CTSV: variants seen among roughly 807,000 people sequenced by gnomAD.
CTSV encodes cathepsin L2.
Under a neutral mutation model 35.6 loss-of-function variants are expected in CTSV, and 33 were observed. That is an observed-to-expected ratio of 0.93 (90% CI 0.70 to 1.24). The LOEUF is 1.24. Among genes scored for constraint, CTSV ranks in the 50% most tolerant of loss-of-function variants. The pLI, the probability that CTSV is intolerant of heterozygous loss-of-function variation, is 0.00. For synonymous variants in CTSV, 154 were observed against 147.1 expected (o/e 1.05, Z -0.34); for missense variants, 408 against 413.1 (o/e 0.99, Z 0.11).
Position 97,029,814 on chromosome 9 carries a change from A to G in CTSV, c.*3135T>C, listed in dbSNP as rs2119221524. ...GTTTTGGTCAGTGACTGCATATATG[A>G]TAGTGGTCCCATAAAATTATGATCC... is the stretch of plus-strand genomic sequence containing the variant. On this transcript the variant is annotated 3_prime_UTR_variant, in exon 8 of 8. Transcript: ENST00000259470. 1 of 152,346 alleles carries G rather than the reference A, an allele frequency of 6.6e-6. No individual in the cohort carries two copies. Among genetic ancestry groups the G allele is most frequent in the Non-Finnish European group, 1.5e-5 (1 of 68,038 alleles). 9.4% of individuals were successfully genotyped at this position (152,346 alleles called of 1,614,324 possible). A position where few individuals can be genotyped will look rare whatever the true frequency, so the allele number is the denominator to read the frequency against.
Position 97,030,991 on chromosome 9 carries a change from T to A in CTSV, c.*1958A>T, listed in dbSNP as rs1828735895. On this transcript the variant is annotated 3_prime_UTR_variant, in exon 8 of 8. Transcript: ENST00000259470. ...TTAGACAACACATCAGGTTTGTAAC[T>A]TTTCACAAGTTTAAAATATTTCAAA... 1 of 152,218 alleles carries A rather than the reference T, an allele frequency of 6.6e-6. No homozygotes were observed. The highest frequency in any genetic ancestry group is 1.5e-5 in the Non-Finnish European group (1 of 68,036). The allele number at this position is 152,218 out of a possible 1,614,324, so 9.4% of individuals were successfully genotyped here. A position where few individuals can be genotyped will look rare whatever the true frequency, so the allele number is the denominator to read the frequency against.
chr9:97,037,551 C>T lies in CTSV; in HGVS notation c.191G>A (p.Gly64Glu). The change falls in exon 3 of 8, where the codon GGG (glycine) becomes GAG (glutamate). Residue 64 changes from glycine (G) to glutamate (E), a missense_variant. Coordinates refer to ENST00000259470, the MANE Select transcript of CTSV (RefSeq NM_001333.4). Reference protein sequence around the residue: ...KNMKMIELHNGEYSQGKHGFT... With the variant: ...KNMKMIELHNEEYSQGKHGFT... ...GCCATGTTTCCCTTGGCTGTATTCC[C>T]CATTGTGCAGTTCAATCATTTTCAT... 1.2e-6 allele frequency: 2 copies of T among 1,614,190 alleles called. No individual in the cohort carries two copies. Among genetic ancestry groups the T allele is most frequent in the Non-Finnish European group, 1.7e-6 (2 of 1,180,042 alleles).
Position 97,033,015 on chromosome 9 carries a change from T to A in CTSV, c.939A>T (p.Val313=). The change falls in exon 8 of 8, where the codon GTA becomes GTT. Residue 313 remains valine (V), a synonymous_variant. Transcript: ENST00000259470. ...WGPEWGSNGY[V]KIAKDKNNHC... ...GGTTGTTCTTGTCTTTGGCTATTTT[T>A]ACATAGCCATTCGAGCCCCATTCTG... is the stretch of plus-strand genomic sequence containing the variant. 6.2e-7 allele frequency: 1 copy of A among 1,613,472 alleles called. No individual in the cohort carries two copies. The highest frequency in any genetic ancestry group is 2.2e-5 in the East Asian group (1 of 44,864).
intron 4 of CTSV, 48 bp downstream of exon 4, chr9:97,037,204 T>C: frequency 6.3e-7 from 1 of 1,586,808 alleles, no homozygotes; most frequent in Non-Finnish European, 8.6e-7. Context: ...CACCAATTCC[T>C]TCTTGGCTTT....
chr9:97,034,739 G>A lies in CTSV; in HGVS notation c.892C>T (p.Leu298Phe), dbSNP rs1407592223. ...TGAGTTTTATACCTGTTTTTGACGA[G>A]CCAATACTTGCTGTTATTCGAATTT... ...GANSNNSKYW[L>F]VKNSWGPEWG... Residue 298 changes from leucine to phenylalanine, a missense_variant, in exon 7 of 8, where the codon CTC becomes TTC. Leu to Phe is a conservative substitution (Grantham distance 22). Transcript: ENST00000259470. 1 of 1,613,190 alleles carries A rather than the reference G, an allele frequency of 6.2e-7. No homozygotes were observed. The highest frequency in any genetic ancestry group is 1.3e-5 in the African/African-American group (1 of 74,872).
rs910183139 is a variant in CTSV at position 97,035,647 on chromosome 9, G to C, written c.668C>G (p.Thr223Ser). ...YRPENSVAND[T>S]GFTVVAPGKE... ...TCCAGGTGCGACCACTGTGAAGCCA[G>C]TGTCATTAGCAACAGAATTCTCAGG... is the stretch of plus-strand genomic sequence containing the variant. The change falls in exon 6 of 8, where the codon ACT becomes AGT. Residue 223 changes from threonine (T) to serine (S), a missense_variant. By Grantham distance (58) the Thr-to-Ser change is moderately conservative. Transcript: ENST00000259470. 5 of 1,596,244 alleles carry C rather than the reference G, an allele frequency of 3.1e-6. No individual in the cohort carries two copies. The highest frequency in any genetic ancestry group is 1.7e-5 in the Admixed American group (1 of 57,746).
In CTSV at chr9:97,030,155, T is replaced by G. The variant is rs1008971645; in HGVS notation, c.*2794A>C. 3 of 152,238 alleles carry G rather than the reference T, an allele frequency of 2.0e-5. No homozygotes were observed. The highest frequency in any genetic ancestry group is 7.2e-5 in the African/African-American group (3 of 41,456). 9.4% of individuals were successfully genotyped at this position (152,238 alleles called of 1,614,324 possible). Reference sequence around the variant, plus strand: ...ATACAGAAAAGTTTCTTCTTTGCTTTTTAGAAATTTTATCAGTTACAAAAG... The same window carrying G: ...ATACAGAAAAGTTTCTTCTTTGCTTGTTAGAAATTTTATCAGTTACAAAAG... On this transcript the variant is annotated 3_prime_UTR_variant, in exon 8 of 8. Transcript: ENST00000259470.
At position 97,037,273 on chromosome 9, in the gene CTSV, G is replaced by A. The variant is rs751381692; in HGVS notation, c.375C>T (p.Tyr125=). ...PKSVDWRKKG[Y]VTPVKNQKQC... is the part of the protein sequence containing the mutation. ...TCACCTGATTCTTCACTGGCGTCACGTAGCCTTTCTTTCTCCAATCCACAG... is the reference window on the plus strand; with the variant it reads ...TCACCTGATTCTTCACTGGCGTCACATAGCCTTTCTTTCTCCAATCCACAG... Residue 125 remains tyrosine (Y), a synonymous_variant, in exon 4 of 8, where the codon TAC becomes TAT. Transcript: ENST00000259470. 4.2e-5 allele frequency: 68 copies of A among 1,614,006 alleles called. No individual in the cohort carries two copies. Among genetic ancestry groups the A allele is most frequent in the Middle Eastern group, 1.6e-4 (1 of 6,084 alleles).
intron 7 of CTSV, 23 bp downstream of exon 7, chr9:97,034,703 C>T (rs1016328682): frequency 1.3e-6 from 2 of 1,572,430 alleles, no homozygotes; most frequent in Admixed American, 1.7e-5. Context: ...CAAAAATTCC[C>T]TTTTCAATTT....
At position 97,032,822 on chromosome 9, in the gene CTSV, A is replaced by T; in HGVS notation, c.*127T>A. 1.7e-6 allele frequency: 1 copy of T among 575,268 alleles called. No individual in the cohort carries two copies. The highest frequency in any genetic ancestry group is 3.0e-6 in the Non-Finnish European group (1 of 336,704). The allele number at this position is 575,268 out of a possible 1,614,324, so 35.6% of individuals were successfully genotyped here. On this transcript the variant is annotated 3_prime_UTR_variant, in exon 8 of 8. Transcript: ENST00000259470. ...ACCCTTGTAAAAATGTCACAGAATT[A>T]AAATCTCAACTTGGATCCTCAATGA...
In CTSV at chr9:97,035,615, TCTC is replaced by T. The variant is rs753646152; in HGVS notation, c.697_699del (p.Glu233del). ...GTTGCGACTGCTTTCATCAGGGCCT[TCTC>T]CTTTCCAGGTGCGACCACTGTGAAG... On this transcript the variant is annotated inframe_deletion, in exon 6 of 8. Transcript: ENST00000259470. 1 of 1,607,020 alleles carries T rather than the reference TCTC, an allele frequency of 6.2e-7. No individual in the cohort carries two copies. Among genetic ancestry groups the T allele is most frequent in the Non-Finnish European group, 8.5e-7 (1 of 1,176,028 alleles).
At chr9:97,037,807 G>A in intron 2 of CTSV, 111 bp downstream of exon 2, 1 of 1,460,760 alleles carries the variant, frequency 6.8e-7, no homozygotes, top group Non-Finnish European at 9.4e-7. Context: ...GTGCTGTTAG[G>A]TTATTGCCTG....
rs1382703007 is a variant in CTSV, at chr9:97,030,806, G to A, written c.*2143C>T. ...CCAGGTGTTCCTTGCTCTCATTCCGGTAAACCTTCAGCATGGCGTCATGGC... is the reference window on the plus strand; with the variant it reads ...CCAGGTGTTCCTTGCTCTCATTCCGATAAACCTTCAGCATGGCGTCATGGC... On this transcript the variant is annotated 3_prime_UTR_variant, in exon 8 of 8. Coordinates refer to ENST00000259470, the MANE Select transcript of CTSV (RefSeq NM_001333.4). The A allele has an allele frequency of 2.0e-5, 3 of 152,190 alleles. No homozygotes were observed. The East Asian group carries it at 5.8e-4, about 29-fold the overall frequency. The allele number at this position is 152,190 out of a possible 1,614,324, so 9.4% of individuals were successfully genotyped here. A position where few individuals can be genotyped will look rare whatever the true frequency, so the allele number is the denominator to read the frequency against.
Position 97,030,378 on chromosome 9 carries a change from T to C in CTSV, c.*2571A>G, listed in dbSNP as rs1412109403. 1 of 152,184 alleles carries C rather than the reference T, an allele frequency of 6.6e-6. No individual in the cohort carries two copies. The highest frequency in any genetic ancestry group is 1.5e-5 in the Non-Finnish European group (1 of 68,046). 9.4% of individuals were successfully genotyped at this position (152,184 alleles called of 1,614,324 possible). On this transcript the variant is annotated 3_prime_UTR_variant, in exon 8 of 8. Coordinates refer to ENST00000259470, the MANE Select transcript of CTSV (RefSeq NM_001333.4). The stretch of plus-strand genomic sequence containing the variant: ...TGATTTCTATCTCACCCTTCCTTAC[T>C]TCCTTTGCAATTCAAGTAAGAAAAC...
At position 97,030,773 on chromosome 9, in the gene CTSV, T is replaced by G. The variant is rs973852591; in HGVS notation, c.*2176A>C. 6.6e-6 allele frequency: 1 copy of G among 152,234 alleles called. No individual in the cohort carries two copies. The highest frequency in any genetic ancestry group is 2.4e-5 in the African/African-American group (1 of 41,472). 9.4% of individuals were successfully genotyped at this position (152,234 alleles called of 1,614,324 possible). A position where few individuals can be genotyped will look rare whatever the true frequency, so the allele number is the denominator to read the frequency against. On this transcript the variant is annotated 3_prime_UTR_variant, in exon 8 of 8. Coordinates refer to ENST00000259470, the MANE Select transcript of CTSV (RefSeq NM_001333.4). ...ACGCCTTTAAGCCGTTTTCCCGCCC[T>G]GGGTGGTCCAGGTGTTCCTTGCTCT...
In CTSV at chr9:97,037,103, G is replaced by A. The variant is rs1034730385; in HGVS notation, c.396+149C>T. 3.6e-5 allele frequency: 30 copies of A among 822,034 alleles called. 1 individual carries two copies. Among genetic ancestry groups the A allele is most frequent in the Admixed American group, 2.9e-4 (10 of 34,218 alleles). 50.9% of individuals were successfully genotyped at this position (822,034 alleles called of 1,614,324 possible). A position where few individuals can be genotyped will look rare whatever the true frequency, so the allele number is the denominator to read the frequency against. ...GCCTGGGCAACAAGAGCTAAACTCC[G>A]TCTCAAACAAGCAAACAAAAAAAAC... is the stretch of plus-strand genomic sequence containing the variant. On this transcript the variant is annotated intron_variant, in intron 4 of 7. Transcript: ENST00000259470.
At chr9:97,036,400 C>G (rs913286787) in intron 5 of CTSV, 123 bp downstream of exon 5, 1 of 776,360 alleles carries the variant, frequency 1.3e-6, no homozygotes, top group East Asian at 2.7e-5. Flanking sequence ...ACAATACTCA[C>G]GGTTTGCAGA....
chr9:97,036,441 T>C lies in CTSV; in HGVS notation c.621+82A>G, dbSNP rs927650041. ...ATTCTACCATATAAAATGTGAATTC[T>C]GAAAAAAGTATCTGTTATCTCTGAA... On this transcript the variant is annotated intron_variant, in intron 5 of 7. Transcript: ENST00000259470. 12 of 974,012 alleles carry C rather than the reference T, an allele frequency of 1.2e-5. No individual in the cohort carries two copies. The Admixed American group carries it at 1.5e-4, about 12-fold the overall frequency. The allele number at this position is 974,012 out of a possible 1,614,324, so 60.3% of individuals were successfully genotyped here. A position where few individuals can be genotyped will look rare whatever the true frequency, so the allele number is the denominator to read the frequency against.
chr9:97,036,658 G>A lies in CTSV; in HGVS notation c.486C>T (p.Ser162=), dbSNP rs540576206. The change falls in exon 5 of 8, where the codon AGC becomes AGT. Residue 162 remains serine, a synonymous_variant. Coordinates refer to ENST00000259470, the MANE Select transcript of CTSV (RefSeq NM_001333.4). The stretch of plus-strand genomic sequence containing the variant: ...GCGAACAGTCCACCAGATTCTGCTC[G>A]CTCAGTGAGACAAGTTTCCCAGTTT... ...FRKTGKLVSL[S]EQNLVDCSRP... The A allele has an allele frequency of 8.1e-6, 13 of 1,613,842 alleles. No homozygotes were observed. Among genetic ancestry groups the A allele is most frequent in the African/African-American group, 5.3e-5 (4 of 74,888 alleles).
Sources: gnomAD v4.1 joint callset for allele counts on GRCh38, gnomAD v4.1.1 for gene constraint, MANE v1.5 for transcripts, NCBI Gene and HGNC (gene_info 2026-07-23, HGNC 2026-07-21) for gene names.